IL1RAPL1: variants seen among roughly 807,000 people sequenced by gnomAD.
IL1RAPL1 encodes the protein interleukin-1 receptor accessory protein-like 1.
In IL1RAPL1, 3 loss-of-function variants were observed where a neutral mutation model predicts 48.4. The observed-to-expected ratio is 0.06, with a 90% CI of 0.03 to 0.16. The LOEUF (loss-of-function observed/expected upper bound fraction) is 0.16, where lower values mean the gene tolerates loss of function less well. Ranked by LOEUF, IL1RAPL1 falls within the 10% of genes least tolerant of loss-of-function variation. The pLI, the probability that IL1RAPL1 is intolerant of heterozygous loss-of-function variation, is 1.00. For synonymous variants in IL1RAPL1, 185 were observed against 187.7 expected, an observed-to-expected ratio of 0.99 and a Z score of 0.12; for missense variants, 349 against 530.6, an observed-to-expected ratio of 0.66 and a Z score of 3.36.
intron 2 of IL1RAPL1, among the ~76,000 whole-genome samples, chrX:29,084,190 T>C (rs902180890): frequency 1.8e-5 from 2 of 111,962 alleles, no homozygotes; most frequent in Non-Finnish European, 3.8e-5. Context: ...GGGAAAATAA[T>C]ACTTTTTTAA....
intron 5 of IL1RAPL1, among the ~76,000 whole-genome samples, chrX:29,602,849 C>G (rs1471624477): frequency 8.9e-6 from 1 of 112,467 alleles, no homozygotes; most frequent in East Asian, 2.8e-4. Context: ...AAAGTAGATG[C>G]TACTTAATAT....
intron 6 of IL1RAPL1, among the ~76,000 whole-genome samples, chrX:29,798,253 A>T (rs2147165952): frequency 8.9e-6 from 1 of 112,091 alleles, no homozygotes; most frequent in Non-Finnish European, 1.9e-5. Flanking sequence ...AGTGATGCTG[A>T]TGGAGCTCCA....
chrX:28,846,754 T>G (rs1921519866), intron 2 of IL1RAPL1, among the ~76,000 whole-genome samples: 1 of 112,026 alleles, frequency 8.9e-6, no homozygotes, highest in Admixed American at 9.5e-5. Context: ...CTGCAATATT[T>G]CGTTTTAAGC....
chrX:29,856,271 A>G (rs1931475478), intron 6 of IL1RAPL1, among the ~76,000 whole-genome samples: 1 of 111,584 alleles, frequency 9.0e-6, no homozygotes, highest in Non-Finnish European at 1.9e-5. Context: ...TCTTGAGGTA[A>G]AGCCTGGAAT....
intron 3 of IL1RAPL1, among the ~76,000 whole-genome samples, chrX:29,392,211 C>A (rs776909665): frequency 1.8e-5 from 2 of 112,347 alleles, no homozygotes; most frequent in South Asian, 7.3e-4. Context: ...GTGTAGACTG[C>A]AGCTCATCTG....
intron 5 of IL1RAPL1, among the ~76,000 whole-genome samples, chrX:29,608,075 C>G (rs1923951143): frequency 8.9e-6 from 1 of 112,345 alleles, no homozygotes; most frequent in Admixed American, 9.4e-5. Flanking sequence ...TTGGTGTGGG[C>G]TGTAGAGTTA....
chrX:28,660,086 GGTGTGTGTGTGTGTGTGTGTGTGTGT>G (rs60600833), intron 1 of IL1RAPL1, among the ~76,000 whole-genome samples: 9 of 76,444 alleles, frequency 1.2e-4, no homozygotes, highest in East Asian at 1.0e-3. Flanking sequence ...GAGTGAGGAT[GGTGTGTGTGTGTGTGTGTGTGTGTGT>G]GTGTGTGTGT....
chrX:29,943,736 C>A (rs370045448), intron 9 of IL1RAPL1, among the ~76,000 whole-genome samples: 1 of 111,737 alleles, frequency 8.9e-6, no homozygotes, highest in East Asian at 2.8e-4. Context: ...GGGCAGTAAT[C>A]TGTCATTTTC....
chrX:29,408,104 T>A (rs1486290873), intron 5 of IL1RAPL1, among the ~76,000 whole-genome samples: 1 of 111,493 alleles, frequency 9.0e-6, no homozygotes, highest in Non-Finnish European at 1.9e-5. Context: ...AAACGTCATA[T>A]CCAGAGGTGG....
intron 6 of IL1RAPL1, among the ~76,000 whole-genome samples, chrX:29,823,293 G>A (rs1930660566): frequency 8.9e-6 from 1 of 112,076 alleles, no homozygotes; most frequent in Admixed American, 9.5e-5. Context: ...AGCCTGAGCA[G>A]CCAGATAGTG....
intron 2 of IL1RAPL1, among the ~76,000 whole-genome samples, chrX:28,830,822 G>A (rs867257479): frequency 3.6e-5 from 4 of 110,622 alleles, no homozygotes; most frequent in African/African-American, 1.3e-4. Flanking sequence ...CAGGGTTTGT[G>A]TAGTTGTTTA....
intron 6 of IL1RAPL1, among the ~76,000 whole-genome samples, chrX:29,675,665 A>G (rs1334683579): frequency 9.0e-6 from 1 of 111,263 alleles, no homozygotes; most frequent in Admixed American, 9.5e-5. Context: ...ATCTCGGCTC[A>G]CTGCAGCCTC....
At position 28,861,354 on chromosome X, in the gene IL1RAPL1, T is replaced by TAGTTACAA. The variant is rs774174718; in HGVS notation, c.82+71930_82+71937dup. ...TTCTGTAGCTCTCTGACTGTCCCAG[T>TAGTTACAA]AGTTACAAGGCAGCATGTTTGACAC... On this transcript the variant is annotated intron_variant, in intron 2 of 10. Transcript: ENST00000378993. Among the ~76,000 whole-genome samples the TAGTTACAA allele has an allele frequency of 1.5e-4, 17 of 112,087 alleles. No homozygotes were observed. The South Asian group carries it at 5.9e-3, about 39-fold the overall frequency.
chrX:29,607,142 C>T (rs1019545406), intron 5 of IL1RAPL1, among the ~76,000 whole-genome samples: 8 of 111,204 alleles, frequency 7.2e-5, no homozygotes, highest in Non-Finnish European at 1.3e-4. Context: ...CTTTCGTAGT[C>T]GGGTACCCTA....
At chrX:29,131,434 G>A (rs890613570) in intron 2 of IL1RAPL1, among the ~76,000 whole-genome samples, 9 of 110,334 alleles carry the variant, frequency 8.2e-5, no homozygotes, top group Non-Finnish European at 1.1e-4. Flanking sequence ...AGTATAGAGG[G>A]GGGTATTTTT....
Position 28,804,619 on chromosome X carries a change from T to C in IL1RAPL1, c.82+15194T>C, listed in dbSNP as rs1253000141. ...AGCATCTTCCAGTCTCTGTAACCTT[T>C]ACTTCTACTGTCACATCTCCTTCTC... is the stretch of plus-strand genomic sequence containing the variant. On this transcript the variant is annotated intron_variant, in intron 2 of 10. Transcript: ENST00000378993. 2.7e-5 allele frequency among the ~76,000 whole-genome samples: 3 copies of C among 111,338 alleles called. No individual in the cohort carries two copies. The East Asian group carries it at 8.5e-4, about 32-fold the overall frequency.
chrX:29,330,011 G>A (rs1932872054), intron 3 of IL1RAPL1, among the ~76,000 whole-genome samples: 1 of 110,725 alleles, frequency 9.0e-6, no homozygotes, highest in Non-Finnish European at 1.9e-5. Flanking sequence ...GGAGGGTGAT[G>A]CAGGAAAGGG....
chrX:28,809,138 T>A (rs1311936201), intron 2 of IL1RAPL1, among the ~76,000 whole-genome samples: 1 of 110,195 alleles, frequency 9.1e-6, no homozygotes, highest in African/African-American at 3.3e-5. Context: ...CTAAATTATA[T>A]AAGACAGTTC....
intron 6 of IL1RAPL1, among the ~76,000 whole-genome samples, chrX:29,873,483 G>T (rs991504838): frequency 9.2e-6 from 1 of 109,249 alleles, no homozygotes; most frequent in Admixed American, 9.9e-5. Flanking sequence ...TGGGATTGAT[G>T]CCTGCGTAAA....
Sources: allele counts gnomAD v4.1 joint callset (sites outside exome capture counted in the v4.1 genomes callset), GRCh38; gene constraint gnomAD v4.1.1; transcripts MANE v1.5; gene names NCBI Gene and HGNC (gene_info 2026-07-23, HGNC 2026-07-21).